THRB: variants seen among roughly 807,000 people sequenced by gnomAD.
THRB encodes the protein nuclear receptor subfamily 1 group A member 2.
THRB carries 12 observed loss-of-function variants against 47.8 expected under a neutral mutation model. The observed-to-expected ratio is 0.25, with a 90% CI of 0.16 to 0.41. The LOEUF (loss-of-function observed/expected upper bound fraction) is 0.41, where lower values mean the gene tolerates loss of function less well. THRB is among the 10% of genes least tolerant of loss of function. THRB has a pLI of 1.00. For missense variants in THRB, 348 were observed against 589.2 expected (o/e 0.59, Z 4.24); for synonymous variants, 218 against 212.2 (o/e 1.03, Z -0.24).
At chr3:24,371,454 T>C (rs1456187309) in intron 1 of THRB, among the ~76,000 whole-genome samples, 3 of 152,136 alleles carry the variant, frequency 2.0e-5, no homozygotes, top group African/African-American at 7.2e-5. Flanking sequence ...ATGTATTATC[T>C]TATTAATAAT....
chr3:24,319,767 G>A (rs2058359583), intron 2 of THRB, among the ~76,000 whole-genome samples: 3 of 152,034 alleles, frequency 2.0e-5, no homozygotes, highest in African/African-American at 7.3e-5. Context: ...CGAGTAGAAG[G>A]GACAAAACAC....
intron 3 of THRB, among the ~76,000 whole-genome samples, chr3:24,255,755 G>A (rs1469759988): frequency 1.3e-5 from 2 of 152,234 alleles, no homozygotes; most frequent in Non-Finnish European, 2.9e-5. Flanking sequence ...TGAGTCTGGA[G>A]AGACAGACAG....
At chr3:24,279,547 G>C (rs1029780649) in intron 3 of THRB, among the ~76,000 whole-genome samples, 2 of 132,310 alleles carry the variant, frequency 1.5e-5, no homozygotes, top group Admixed American at 8.0e-5. Flanking sequence ...ACCACGGCTG[G>C]CTAATTTTTT....
chr3:24,250,182 T>C (rs186830742), intron 3 of THRB, among the ~76,000 whole-genome samples: 2 of 152,312 alleles, frequency 1.3e-5, no homozygotes, highest in East Asian at 3.9e-4. Flanking sequence ...TAATAAAACA[T>C]CTTAGTATTA....
At chr3:24,487,340 ACAAG>A (rs1697456596) in intron 1 of THRB, among the ~76,000 whole-genome samples, 1 of 148,682 alleles carries the variant, frequency 6.7e-6, no homozygotes, top group Admixed American at 6.6e-5. Context: ...TTTTAGACAC[ACAAG>A]CACACACACA....
At chr3:24,455,148 A>G (rs2073048542) in intron 1 of THRB, 1 of 113,372 alleles carries the variant, frequency 8.8e-6, no homozygotes, top group East Asian at 2.9e-4. Flanking sequence ...GGCAGTATTG[A>G]GTAGGAAGTT....
intron 1 of THRB, among the ~76,000 whole-genome samples, chr3:24,346,308 A>C (rs1009897913): frequency 6.6e-6 from 1 of 152,048 alleles, no homozygotes; most frequent in Non-Finnish European, 1.5e-5. Flanking sequence ...TGTAATTCCT[A>C]GGGTAACCAC....
chr3:24,385,927 A>G (rs2066065566), intron 1 of THRB, among the ~76,000 whole-genome samples: 1 of 152,184 alleles, frequency 6.6e-6, no homozygotes, highest in Admixed American at 6.5e-5. Flanking sequence ...CCATAGCCAC[A>G]GTGGCAGGTT....
intron 5 of THRB, among the ~76,000 whole-genome samples, chr3:24,159,693 C>T (rs1391846594): frequency 1.3e-5 from 2 of 151,164 alleles, no homozygotes; most frequent in Non-Finnish European, 2.9e-5. Context: ...GGACATTTGG[C>T]GAAGTCTGGA....
chr3:24,249,342 T>C (rs1294972204), intron 3 of THRB, among the ~76,000 whole-genome samples: 2 of 152,204 alleles, frequency 1.3e-5, no homozygotes, highest in African/African-American at 4.8e-5. Flanking sequence ...AGTGGATAGT[T>C]TGGCATATTC....
intron 6 of THRB, among the ~76,000 whole-genome samples, chr3:24,148,709 G>T (rs917057943): frequency 6.6e-6 from 1 of 152,096 alleles, no homozygotes; most frequent in Non-Finnish European, 1.5e-5. Context: ...GATTATATAC[G>T]TATACCCTAT....
At chr3:24,269,720 G>A (rs1469868026) in intron 3 of THRB, among the ~76,000 whole-genome samples, 2 of 151,494 alleles carry the variant, frequency 1.3e-5, no homozygotes, top group South Asian at 4.2e-4. Context: ...ACAGGCATAA[G>A]CCACAGTACC....
chr3:24,364,388 C>T (rs1034517401), intron 1 of THRB, among the ~76,000 whole-genome samples: 1 of 152,118 alleles, frequency 6.6e-6, no homozygotes, highest in African/African-American at 2.4e-5. Context: ...TAAATGTCTA[C>T]TATATGTCAG....
chr3:24,487,147 G>C (rs549234296), intron 1 of THRB, among the ~76,000 whole-genome samples: 1 of 148,166 alleles, frequency 6.7e-6, no homozygotes, highest in Non-Finnish European at 1.5e-5. Context: ...CAAGTTGCTA[G>C]GGGTTTGTGT....
At chr3:24,352,757 C>G (rs1027988419) in intron 1 of THRB, among the ~76,000 whole-genome samples, 1 of 152,114 alleles carries the variant, frequency 6.6e-6, no homozygotes, top group African/African-American at 2.4e-5. Flanking sequence ...ACATATACTA[C>G]ATATCCATAG....
rs139875394 is a variant in THRB at position 24,239,940 on chromosome 3, T to C, written c.-42-10939A>G. 2.7e-3 allele frequency among the ~76,000 whole-genome samples: 409 copies of C among 152,238 alleles called. 10 individuals carry two copies. Among genetic ancestry groups the C allele is most frequent in the East Asian group, 0.024 (127 of 5,186 alleles). On this transcript the variant is annotated intron_variant, in intron 3 of 10. Transcript: ENST00000646209. Reference sequence around the variant, plus strand: ...ATACTTAAATGCCCTGTTTATGAAGTTATGAGGTCCAAACAGCTTGACAGG... The same window carrying C: ...ATACTTAAATGCCCTGTTTATGAAGCTATGAGGTCCAAACAGCTTGACAGG...
chr3:24,198,037 G>C (rs1485113092), intron 4 of THRB, among the ~76,000 whole-genome samples: 2 of 152,186 alleles, frequency 1.3e-5, no homozygotes, highest in African/African-American at 4.8e-5. Flanking sequence ...GGTCACCAGA[G>C]GGCAGGCTCC....
rs574024118 is a variant in THRB, at chr3:24,300,402, G to GATA, written c.-188-3034_-188-3032dup. ...TATGCATACAGTATATAATATCCAT[G>GATA]ATACACGTGCACCACATTTATTTCC... On this transcript the variant is annotated intron_variant, in intron 2 of 10. Transcript: ENST00000646209. Among the ~76,000 whole-genome samples the GATA allele has an allele frequency of 4.7e-3, 708 of 152,252 alleles. 7 individuals are homozygous for GATA. Among genetic ancestry groups the GATA allele is most frequent in the African/African-American group, 0.017 (687 of 41,536 alleles).
intron 3 of THRB, among the ~76,000 whole-genome samples, chr3:24,268,728 T>C (rs1410707652): frequency 6.6e-6 from 1 of 152,218 alleles, no homozygotes; most frequent in African/African-American, 2.4e-5. Context: ...AAGAATGTTC[T>C]TCAAATGTTT....
Sources: allele counts gnomAD v4.1 joint callset (sites outside exome capture counted in the v4.1 genomes callset), GRCh38; gene constraint gnomAD v4.1.1; transcripts MANE v1.5; gene names NCBI Gene and HGNC (gene_info 2026-07-23, HGNC 2026-07-21).